ARAP1: variants seen among roughly 807,000 people sequenced by gnomAD.
The protein encoded by ARAP1 is arf-GAP with Rho-GAP domain, ANK repeat and PH domain-containing protein 1.
In ARAP1, 76 loss-of-function variants were observed where a neutral mutation model predicts 172.2. The observed-to-expected ratio is 0.44, with a 90% confidence interval of 0.37 to 0.53. The LOEUF is 0.53. ARAP1 is among the 20% of genes least tolerant of loss of function. The pLI is 0.00. For synonymous variants in ARAP1, 804 were observed against 803.3 expected (o/e 1.00, Z -0.01); for missense variants, 1,686 against 1,977.5 (o/e 0.85, Z 2.80).
chr11:72,694,954 C>A (rs1856114022), intron 27 of ARAP1, 26 bp downstream of exon 27: 8 of 1,602,178 alleles, frequency 5.0e-6, no homozygotes, highest in Middle Eastern at 1.6e-4. Flanking sequence ...CCATACCACA[C>A]CCTGCACAAG....
Position 72,712,207 on chromosome 11 carries a change from G to C in ARAP1, c.1011C>G (p.Asn337Lys). The part of the protein sequence containing the change: ...PVIKAGWLDK[N>K]PPQGSYIYQK... ...GAGGCCTCACTCACCCCTGCGGTGG[G>C]TTCTTGTCCAGCCAGCCAGCCTTGA... is the stretch of plus-strand genomic sequence containing the variant. The change falls in exon 7 of 35, where the codon AAC becomes AAG. Residue 337 changes from asparagine to lysine, a missense_variant. Physicochemically the swap from Asn to Lys is moderately conservative, Grantham distance 94. Coordinates refer to ENST00000393609, the MANE Select transcript of ARAP1 (RefSeq NM_001040118.3). 6.2e-7 allele frequency: 1 copy of C among 1,604,202 alleles called. No homozygotes were observed. The highest frequency in any genetic ancestry group is 8.5e-7 in the Non-Finnish European group (1 of 1,177,020).
rs756160646 is a variant in ARAP1 at position 72,696,667 on chromosome 11, G to C, written c.3167-13C>G. The stretch of plus-strand genomic sequence containing the variant: ...TCGTCCTCAATCTCTGGGTGGGAAA[G>C]ATAAATCAAGTCAGAAACCCCCTGT... On this transcript the variant is annotated splice_polypyrimidine_tract_variant and intron_variant, in intron 22 of 34. Transcript: ENST00000393609. 2 of 1,569,464 alleles carry C rather than the reference G, an allele frequency of 1.3e-6. No individual in the cohort carries two copies. The highest frequency in any genetic ancestry group is 1.7e-6 in the Non-Finnish European group (2 of 1,154,260).
At chr11:72,711,233 G>A in intron 8 of ARAP1, 92 bp from the exon 9 acceptor site, 1 of 1,560,578 alleles carries the variant, frequency 6.4e-7, no homozygotes, top group Non-Finnish European at 8.7e-7. Context: ...CCTGTCTCCT[G>A]CAGCTGGTTA....
chr11:72,745,131 G>A (rs181226560), intron 1 of ARAP1, among the ~76,000 whole-genome samples: 1 of 151,356 alleles, frequency 6.6e-6, no homozygotes, highest in Non-Finnish European at 1.5e-5. Flanking sequence ...TGGCCACTGG[G>A]AACAAACTTG....
chr11:72,696,855 A>C, intron 22 of ARAP1, 128 bp downstream of exon 22: 1 of 1,093,582 alleles, frequency 9.1e-7, no homozygotes, highest in South Asian at 1.6e-5. Context: ...TGGGAATGAG[A>C]AGCAGAGGCA....
intron 27 of ARAP1, among the ~76,000 whole-genome samples, chr11:72,694,701 T>C (rs937563469): frequency 3.3e-5 from 5 of 152,054 alleles, no homozygotes; most frequent in African/African-American, 1.2e-4. Flanking sequence ...TACAGCCTCA[T>C]CCTCCACTGC....
intron 14 of ARAP1, 123 bp from the exon 15 acceptor site, chr11:72,703,202 G>C: frequency 1.1e-6 from 1 of 947,182 alleles, no homozygotes; most frequent in African/African-American, 1.7e-5. Flanking sequence ...TCCATCCTCA[G>C]ACTGAAAGAG....
At chr11:72,711,313 G>C in intron 8 of ARAP1, 117 bp downstream of exon 8, 1 of 1,472,918 alleles carries the variant, frequency 6.8e-7, no homozygotes, top group Non-Finnish European at 9.4e-7. Context: ...CATGGGTTAA[G>C]GGGTCAGACT....
chr11:72,709,878 G>A lies in ARAP1; in HGVS notation c.1515C>T (p.Arg505=). The change falls in exon 11 of 35, where the codon CGC becomes CGT. Residue 505 remains arginine, a synonymous_variant. Coordinates refer to ENST00000393609, the MANE Select transcript of ARAP1 (RefSeq NM_001040118.3). Reference sequence around the variant, plus strand: ...AGAAGATGGAGGGTCACCTGAAGATGCGGTAGGGCGTGGTGAGGTCGAAGC... The same window carrying A: ...AGAAGATGGAGGGTCACCTGAAGATACGGTAGGGCGTGGTGAGGTCGAAGC... The part of the protein sequence containing the change: ...RRSFDLTTPY[R]IFSFSADSEL... 2 of 1,614,104 alleles carry A rather than the reference G, an allele frequency of 1.2e-6. No homozygotes were observed. Among genetic ancestry groups the A allele is most frequent in the East Asian group, 2.2e-5 (1 of 44,872 alleles).
intron 7 of ARAP1, 51 bp downstream of exon 7, chr11:72,712,145 C>A: frequency 3.3e-6 from 5 of 1,494,392 alleles, no homozygotes; most frequent in Non-Finnish European, 4.4e-6. Context: ...CTGGACACTG[C>A]CCCCCACCCC....
Position 72,695,832 on chromosome 11 carries a change from G to C in ARAP1, c.3306C>G (p.Asn1102Lys). ...CAAACACAATTGCCAGGTTGTGCAC[G>C]TTCATCTGGTTCGTGTCTGAGAAGC... ...VQCFSDTNQM[N>K]VHNLAIVFGP... Residue 1102 changes from asparagine (N) to lysine (K), a missense_variant, in exon 24 of 35, where the codon AAC (asparagine) becomes AAG (lysine). Physicochemically the swap from Asn to Lys is moderately conservative, Grantham distance 94. Transcript: ENST00000393609. This position sits in a 1 kb window ranked among gnomAD's most constrained non-coding sequence, Gnocchi z 4.4. The C allele has an allele frequency of 6.2e-7, 1 of 1,613,824 alleles. No homozygotes were observed. Among genetic ancestry groups the C allele is most frequent in the Non-Finnish European group, 8.5e-7 (1 of 1,179,856 alleles).
intron 33 of ARAP1, chr11:72,687,237 T>C: frequency 1.5e-6 from 1 of 665,626 alleles, no homozygotes. Flanking sequence ...GTCCTGTCTG[T>C]CCCTAGCATC....
chr11:72,715,395 G>T (rs1346205724), intron 3 of ARAP1, among the ~76,000 whole-genome samples: 2 of 152,146 alleles, frequency 1.3e-5, no homozygotes, highest in Admixed American at 1.3e-4. Context: ...TGTTGCCCTG[G>T]TGTTCCTGGC....
chr11:72,735,676 C>T (rs769097543), intron 1 of ARAP1, among the ~76,000 whole-genome samples: 14 of 152,178 alleles, frequency 9.2e-5, no homozygotes, highest in African/African-American at 1.7e-4. Flanking sequence ...TGATAGATGA[C>T]GGTCCCAGCA....
chr11:72,710,944 C>T lies in ARAP1; in HGVS notation c.1213+77G>A, dbSNP rs1856985084. ...GAGAGGGCAGATGCACCATGACTCT[C>T]TTCCCCCTCCTCTGCCCAAACTTCC... On this transcript the variant is annotated intron_variant, in intron 9 of 34. Coordinates refer to ENST00000393609, the MANE Select transcript of ARAP1 (RefSeq NM_001040118.3). This position sits in a 1 kb window ranked among gnomAD's most constrained non-coding sequence, Gnocchi z 4.3. 6.3e-7 allele frequency: 1 copy of T among 1,575,356 alleles called. No individual in the cohort carries two copies. Among genetic ancestry groups the T allele is most frequent in the African/African-American group, 1.3e-5 (1 of 74,412 alleles).
intron 33 of ARAP1, chr11:72,687,179 A>C: frequency 1.9e-6 from 1 of 535,866 alleles, no homozygotes; most frequent in South Asian, 2.1e-5. Context: ...GCCACTTCTG[A>C]GTCTGTTTTC....
intron 1 of ARAP1, among the ~76,000 whole-genome samples, chr11:72,735,572 G>A (rs1264714182): frequency 6.6e-6 from 1 of 152,064 alleles, no homozygotes; most frequent in Non-Finnish European, 1.5e-5. Context: ...CTCCAGCCTG[G>A]GCGACAGAGT....
chr11:72,749,881 A>G (rs1254539347), intron 1 of ARAP1, among the ~76,000 whole-genome samples: 1 of 149,704 alleles, frequency 6.7e-6, no homozygotes, highest in Non-Finnish European at 1.5e-5. Context: ...AAAAAAAAAA[A>G]AAAAGTTCCC....
rs1472017612 is a variant in ARAP1 at position 72,726,503 on chromosome 11, T to C, written c.509+117A>G. ...TGTCCTCCGAGCTTTGCACACGCTG[T>C]TCCCCCTGCACTTCCGAAGTGCCTT... On this transcript the variant is annotated intron_variant, in intron 3 of 34. Transcript: ENST00000393609. The surrounding 1 kb of genome is among the most constrained non-coding windows in gnomAD (Gnocchi z 6.5). 1.5e-6 allele frequency: 2 copies of C among 1,317,308 alleles called. No individual in the cohort carries two copies. The highest frequency in any genetic ancestry group is 5.7e-5 in the Admixed American group (2 of 34,950). 81.6% of individuals were successfully genotyped at this position (1,317,308 alleles called of 1,614,324 possible).
Sources: allele counts gnomAD v4.1 joint callset (sites outside exome capture counted in the v4.1 genomes callset), GRCh38; gene constraint gnomAD v4.1.1; non-coding constraint Gnocchi (gnomAD v3.1); transcripts MANE v1.5; gene names NCBI Gene and HGNC (gene_info 2026-07-23, HGNC 2026-07-21).